Variants in HAO2 observed in about 807,000 individuals in gnomAD.
The protein encoded by HAO2 is hydroxyacid oxidase 2, also known as 2-Hydroxyacid oxidase 2.
A neutral mutation model predicts 37.4 loss-of-function variants in HAO2; 42 were observed. That is an observed-to-expected ratio of 1.12 (90% CI 0.88 to 1.45). The LOEUF is 1.45. Among genes scored for constraint, HAO2 ranks in the 40% most tolerant of loss-of-function variants. The probability of loss-of-function intolerance (pLI) is 0.00; values close to 1 mark genes in which losing one functional copy is unlikely to be tolerated. For missense variants in HAO2, 476 were observed against 430.2 expected (o/e 1.11, Z -0.94); for synonymous variants, 180 against 162.8 (o/e 1.11, Z -0.81).
intron 5 of HAO2, among the ~76,000 whole-genome samples, chr1:119,391,743 G>C (rs1454763355): frequency 1.3e-5 from 2 of 151,998 alleles, no homozygotes; most frequent in African/African-American, 4.8e-5. Flanking sequence ...TGCCACCCTA[G>C]AAACAGAGAG....
At chr1:119,380,974 TG>T (rs1649878465) in intron 1 of HAO2, 103 bp from the exon 2 acceptor site, 5 of 953,254 alleles carry the variant, frequency 5.2e-6, no homozygotes, top group Non-Finnish European at 8.3e-6. Flanking sequence ...GGGAGACCAA[TG>T]TTGAATCCAA....
intron 4 of HAO2, chr1:119,385,271 T>C (rs774468044): frequency 2.0e-6 from 2 of 985,312 alleles, no homozygotes; most frequent in Non-Finnish European, 2.4e-6. Flanking sequence ...GTTCTCACCC[T>C]TGGAGCTGCC....
intron 5 of HAO2, among the ~76,000 whole-genome samples, chr1:119,389,452 C>T (rs9728422): frequency 2.0e-5 from 3 of 151,330 alleles, no homozygotes; most frequent in African/African-American, 4.9e-5. Context: ...TCCACATGAA[C>T]ATCTATTATT....
chr1:119,370,885 G>A (rs1056750969), intron 1 of HAO2, among the ~76,000 whole-genome samples: 2 of 152,188 alleles, frequency 1.3e-5, no homozygotes, highest in Admixed American at 6.5e-5. Context: ...ACAACCCAGT[G>A]ATTGCCACTG....
chr1:119,386,617 TA>T lies in HAO2; in HGVS notation c.562-4del, dbSNP rs754662730. 1.9e-6 allele frequency: 3 copies of T among 1,565,700 alleles called. No individual in the cohort carries two copies. Among genetic ancestry groups the T allele is most frequent in the Non-Finnish European group, 1.8e-6 (2 of 1,136,186 alleles). On this transcript the variant is annotated splice_region_variant and splice_polypyrimidine_tract_variant and intron_variant, in intron 4 of 7. Transcript: ENST00000325945. ...AGGACTAAGTTCCCTTTTTATTTCC[TA>T]TAGGGAAATGCAATACCTTATTTCC...
chr1:119,392,858 A>G (rs1018132892), intron 7 of HAO2, among the ~76,000 whole-genome samples, 171 bp downstream of exon 7: 13 of 152,118 alleles, frequency 8.5e-5, no homozygotes, highest in African/African-American at 3.1e-4. Context: ...GCACAGTGGA[A>G]ACCAGAGCTG....
intron 4 of HAO2, chr1:119,385,793 T>C: frequency 1.0e-6 from 1 of 985,332 alleles, no homozygotes; most frequent in South Asian, 4.7e-5. Flanking sequence ...TCAACAGTTC[T>C]CATTAATCAC....
Position 119,372,614 on chromosome 1 carries a change from C to A in HAO2, c.-9+3712C>A, listed in dbSNP as rs183732745. Among the ~76,000 whole-genome samples the A allele has an allele frequency of 8.5e-4, 129 of 152,252 alleles. 1 individual carries two copies. Among genetic ancestry groups the A allele is most frequent in the African/African-American group, 3.1e-3 (128 of 41,536 alleles). Reference sequence around the variant, plus strand: ...GGATTTCAATTACCTGGTCTGAGAACAGGAAAAACAGCTGGTGTGACAGGC... The same window carrying A: ...GGATTTCAATTACCTGGTCTGAGAAAAGGAAAAACAGCTGGTGTGACAGGC... On this transcript the variant is annotated intron_variant, in intron 1 of 7. Transcript: ENST00000325945.
intron 5 of HAO2, among the ~76,000 whole-genome samples, chr1:119,390,479 C>T (rs1231147036): frequency 2.0e-5 from 3 of 152,154 alleles, no homozygotes; most frequent in Admixed American, 6.5e-5. Flanking sequence ...GAACTCCTCA[C>T]CTCAGGTGGT....
intron 7 of HAO2, among the ~76,000 whole-genome samples, chr1:119,393,090 T>C (rs1159638347): frequency 6.6e-6 from 1 of 152,160 alleles, no homozygotes; most frequent in African/African-American, 2.4e-5. Flanking sequence ...TTTGCCAAAG[T>C]TATGGTGCAC....
At chr1:119,385,286 T>G in intron 4 of HAO2, 4 of 985,346 alleles carry the variant, frequency 4.1e-6, no homozygotes, top group Non-Finnish European at 4.8e-6. Context: ...GCTGCCCAAC[T>G]TGTCACCAGA....
At chr1:119,379,426 G>A (rs1352859937) in intron 1 of HAO2, among the ~76,000 whole-genome samples, 1 of 152,132 alleles carries the variant, frequency 6.6e-6, no homozygotes, top group Non-Finnish European at 1.5e-5. Context: ...GCAGATCTCT[G>A]GAAGAATAAA....
At position 119,381,413 on chromosome 1, in the gene HAO2, T is replaced by A. The variant is rs113071626; in HGVS notation, c.131+197T>A. Among the ~76,000 whole-genome samples the A allele has an allele frequency of 4.0e-3, 611 of 152,114 alleles. 3 individuals carry two copies. The highest frequency in any genetic ancestry group is 0.017 in the Middle Eastern group (5 of 294). ...ATGGGAAGATGGAAAAAGAGGGAAT[T>A]TCTGTTATAGCCAGCATAAGTGAGT... On this transcript the variant is annotated intron_variant, in intron 2 of 7. Transcript: ENST00000325945.
intron 2 of HAO2, among the ~76,000 whole-genome samples, chr1:119,382,131 C>T (rs1421061342): frequency 1.3e-5 from 2 of 152,160 alleles, no homozygotes; most frequent in African/African-American, 4.8e-5. Context: ...AGGCACCTTA[C>T]ATCATTTATT....
At chr1:119,378,864 G>A (rs960655965) in intron 1 of HAO2, among the ~76,000 whole-genome samples, 1 of 152,182 alleles carries the variant, frequency 6.6e-6, no homozygotes, top group Non-Finnish European at 1.5e-5. Context: ...ATGACAGGCA[G>A]GGGAATGTTA....
At chr1:119,370,261 G>C (rs777115437) in intron 1 of HAO2, 3 of 152,244 alleles carry the variant, frequency 2.0e-5, no homozygotes, top group Non-Finnish European at 4.4e-5. Flanking sequence ...GAAATGTTAA[G>C]CATGTGGGGA....
intron 5 of HAO2, among the ~76,000 whole-genome samples, chr1:119,390,919 C>T (rs1650830622): frequency 6.6e-6 from 1 of 152,088 alleles, no homozygotes; most frequent in Non-Finnish European, 1.5e-5. Context: ...AACTCAGATA[C>T]TATAGTTTGA....
At chr1:119,370,757 T>G (rs1271553198) in intron 1 of HAO2, among the ~76,000 whole-genome samples, 1 of 152,134 alleles carries the variant, frequency 6.6e-6, no homozygotes, top group Non-Finnish European at 1.5e-5. Context: ...AGAAACACAG[T>G]CTGGGTAGTT....
intron 6 of HAO2, 84 bp downstream of exon 6, chr1:119,392,352 T>A: frequency 8.4e-7 from 1 of 1,197,038 alleles, no homozygotes; most frequent in Non-Finnish European, 1.2e-6. Context: ...TTTCCAAGCT[T>A]AGACATTTTC....
Sources: allele counts gnomAD v4.1 joint callset (sites outside exome capture counted in the v4.1 genomes callset), GRCh38; gene constraint gnomAD v4.1.1; transcripts MANE v1.5; gene names NCBI Gene and HGNC (gene_info 2026-07-23, HGNC 2026-07-21).